The following EHD2 variants were observed in gnomAD, a reference collection of about 807,000 sequenced individuals.
EHD2 encodes EH domain-containing protein 2.
In EHD2, 27 loss-of-function variants were observed where a neutral mutation model predicts 41.0. The ratio of observed to expected loss-of-function variants is 0.66; its 90% confidence interval spans 0.49 to 0.91. The LOEUF (loss-of-function observed/expected upper bound fraction) is 0.91. Among genes scored for constraint, EHD2 ranks in the 40% least tolerant of loss-of-function variants. The pLI is 0.00. For missense variants in EHD2, 673 were observed against 773.9 expected (o/e 0.87, Z 1.55); for synonymous variants, 342 against 341.0 (o/e 1.00, Z -0.03).
chr19:47,741,336 C>T lies in EHD2; in HGVS notation c.1536C>T (p.Leu512=), dbSNP rs767013719. 4.3e-6 allele frequency: 7 copies of T among 1,612,488 alleles called. 1 individual carries two copies. The South Asian group carries it at 7.7e-5, about 18-fold the overall frequency. The part of the protein sequence containing the change: ...DDEEFALASH[L]IEAKLEGHGL... ...AGGAGTTCGCGCTGGCCAGCCACCT[C>T]ATCGAGGCCAAGCTGGAAGGCCACG... is the stretch of plus-strand genomic sequence containing the variant. The change falls in exon 6 of 6, where the codon CTC becomes CTT. Residue 512 remains leucine, a synonymous_variant. Transcript: ENST00000263277. The surrounding 1 kb of genome is among the most constrained non-coding windows in gnomAD (Gnocchi z 4.5).
At chr19:47,726,669 G>A (rs1306840127) in intron 4 of EHD2, among the ~76,000 whole-genome samples, 3 of 138,560 alleles carry the variant, frequency 2.2e-5, no homozygotes, top group Non-Finnish European at 4.6e-5. Flanking sequence ...ATCCTCTTTC[G>A]TTCCCTCTTC....
At chr19:47,724,514 C>T (rs1973729385) in intron 3 of EHD2, among the ~76,000 whole-genome samples, 3 of 152,188 alleles carry the variant, frequency 2.0e-5, no homozygotes, top group Non-Finnish European at 4.4e-5. Context: ...AATCGCTTCT[C>T]TCTGCTCTCC....
rs1014832766 is a variant in EHD2, at chr19:47,742,124, TTTCC to T, written c.*708_*711del. On this transcript the variant is annotated 3_prime_UTR_variant, in exon 6 of 6. Transcript: ENST00000263277. ...CCCCAATTCTGCCCACACCCATTTA[TTTCC>T]TTCCTTCCTTCCTTCTTTTCTTTCC... 9.3e-5 allele frequency: 31 copies of T among 331,862 alleles called. No individual in the cohort carries two copies. The highest frequency in any genetic ancestry group is 2.3e-4 in the African/African-American group (9 of 39,502). 20.6% of individuals were successfully genotyped at this position (331,862 alleles called of 1,614,324 possible).
intron 4 of EHD2, chr19:47,731,602 G>C (rs1351019286): frequency 6.6e-6 from 1 of 151,536 alleles, no homozygotes; most frequent in African/African-American, 2.4e-5. Flanking sequence ...GAGCCACTGT[G>C]CCTGGCCTAA....
rs1181990191 is a variant in EHD2 at position 47,731,818 on chromosome 19, C to T, written c.916-4551C>T. On this transcript the variant is annotated intron_variant, in intron 4 of 5. Transcript: ENST00000263277. ...TTTTTTTTTTTTTGAGACGGAGTCT[C>T]GCTCTGTCGCCTAGGCTGGAGTGCA... Among the ~76,000 whole-genome samples the T allele has an allele frequency of 4.6e-5, 6 of 130,526 alleles. No individual in the cohort carries two copies. In the East Asian group the frequency reaches 7.0e-4, roughly 15 times the overall value. The allele number at this position is 130,526 out of a possible 152,430, so 85.6% of individuals were successfully genotyped here. A position where few individuals can be genotyped will look rare whatever the true frequency, so the allele number is the denominator to read the frequency against.
intron 3 of EHD2, among the ~76,000 whole-genome samples, chr19:47,725,593 G>A (rs1201168167): frequency 1.3e-5 from 2 of 152,138 alleles, no homozygotes; most frequent in Non-Finnish European, 2.9e-5. Flanking sequence ...TTGAGGGGCT[G>A]GGGCCAGAGC....
intron 5 of EHD2, among the ~76,000 whole-genome samples, chr19:47,740,441 A>AAAAAC (rs1555794325): frequency 3.3e-5 from 5 of 151,682 alleles, no homozygotes; most frequent in Admixed American, 6.6e-5. Context: ...CCTGTCAAAA[A>AAAAAC]AAAACAAAAC....
intron 4 of EHD2, chr19:47,729,819 C>G (rs1973790196): frequency 6.6e-6 from 1 of 152,602 alleles, no homozygotes; most frequent in African/African-American, 2.4e-5. Context: ...GTGTCTCTCT[C>G]TCTCTTTTTC....
chr19:47,713,895 A>G (rs947070199), intron 1 of EHD2, among the ~76,000 whole-genome samples: 26 of 151,776 alleles, frequency 1.7e-4, no homozygotes, highest in African/African-American at 6.0e-4. Flanking sequence ...CAGCCACTCA[A>G]GAGCCCCTCT....
chr19:47,721,325 T>A (rs952492631), intron 3 of EHD2, among the ~76,000 whole-genome samples: 1 of 152,118 alleles, frequency 6.6e-6, no homozygotes, highest in African/African-American at 2.4e-5. Context: ...TGCTACTTTT[T>A]TTTTTTTGAG....
chr19:47,724,143 A>T (rs1389535390), intron 3 of EHD2, among the ~76,000 whole-genome samples: 1 of 144,600 alleles, frequency 6.9e-6, no homozygotes, highest in East Asian at 2.1e-4. Flanking sequence ...CAGTGATGCT[A>T]TCTCGGCTCA....
chr19:47,717,198 C>G (rs937220627), intron 2 of EHD2, among the ~76,000 whole-genome samples, 182 bp downstream of exon 2: 1 of 152,146 alleles, frequency 6.6e-6, no homozygotes, highest in South Asian at 2.1e-4. Context: ...CAGACACCCA[C>G]CACCACGCCA....
At position 47,719,946 on chromosome 19, in the gene EHD2, A is replaced by ATGTGTG. The variant is rs59665711; in HGVS notation, c.502+1359_502+1364dup. 0.04 allele frequency among the ~76,000 whole-genome samples: 5,946 copies of ATGTGTG among 146,968 alleles called. 316 individuals are homozygous for ATGTGTG. The highest frequency in any genetic ancestry group is 0.13 in the African/African-American group (5,097 of 39,114). On this transcript the variant is annotated intron_variant, in intron 3 of 5. Coordinates refer to ENST00000263277, the MANE Select transcript of EHD2 (RefSeq NM_014601.4). This position sits in a 1 kb window ranked among gnomAD's most constrained non-coding sequence, Gnocchi z 4.1. ...AGAGTGTCCAGCTGTTGGTGTGTAT[A>ATGTGTG]TGTGTGTGTGTGTGTGTGTGTGTGA...
intron 4 of EHD2, among the ~76,000 whole-genome samples, chr19:47,727,219 C>T (rs1405561680): frequency 6.6e-6 from 1 of 152,108 alleles, no homozygotes. Flanking sequence ...ATTCTCCTGC[C>T]TCAGCCTCCC....
chr19:47,736,747 T>G (rs1966927370), intron 5 of EHD2, among the ~76,000 whole-genome samples: 1 of 150,996 alleles, frequency 6.6e-6, no homozygotes, highest in South Asian at 2.1e-4. Context: ...AGATAGAGAG[T>G]TTTTCTTTCT....
At chr19:47,722,311 G>A (rs185389946) in intron 3 of EHD2, among the ~76,000 whole-genome samples, 1 of 152,174 alleles carries the variant, frequency 6.6e-6, no homozygotes, top group East Asian at 1.9e-4. Flanking sequence ...CCGAATCTGG[G>A]CCAGTATGTG....
chr19:47,738,814 AT>A (rs1568594196), intron 5 of EHD2, among the ~76,000 whole-genome samples: 1 of 152,070 alleles, frequency 6.6e-6, no homozygotes, highest in African/African-American at 2.4e-5. Flanking sequence ...GGCTCAGGAA[AT>A]TCACATAGGG....
chr19:47,738,807 T>G (rs762668115), intron 5 of EHD2, among the ~76,000 whole-genome samples: 5 of 152,126 alleles, frequency 3.3e-5, no homozygotes, highest in African/African-American at 4.8e-5. Flanking sequence ...CTGCCTTGGC[T>G]CAGGAAATTC....
intron 4 of EHD2, among the ~76,000 whole-genome samples, chr19:47,734,744 C>T (rs1275214207): frequency 2.7e-5 from 4 of 148,046 alleles, no homozygotes; most frequent in Admixed American, 6.7e-5. Context: ...GACTCCCTTT[C>T]AAAAAGAAAA....
Sources: gnomAD v4.1 joint callset for allele counts (sites outside exome capture counted in the v4.1 genomes callset) on GRCh38, gnomAD v4.1.1 for gene constraint, Gnocchi (gnomAD v3.1) non-coding constraint, MANE v1.5 for transcripts, NCBI Gene and HGNC (gene_info 2026-07-23, HGNC 2026-07-21) for gene names.